Variants in TUG1 observed in about 807,000 individuals in gnomAD.
The protein encoded by TUG1 is taurine upregulated gene 1.
chr22:30,975,687 C>G (rs1384944880), exon 3 of TUG1: 2 of 152,210 alleles, frequency 1.3e-5, no homozygotes, highest in Admixed American at 6.5e-5. Flanking sequence ...GCACCCTACA[C>G]TGACAGACTC....
exon 1 of TUG1, chr22:30,971,274 C>T (rs1316444696): frequency 6.6e-6 from 1 of 152,148 alleles, no homozygotes; most frequent in Non-Finnish European, 1.5e-5. Flanking sequence ...AATCTCACTT[C>T]CAGAGAAATG....
chr22:30,970,719 T>C (rs2041220433), exon 1 of TUG1: 1 of 152,212 alleles, frequency 6.6e-6, no homozygotes, highest in South Asian at 2.1e-4. Context: ...TAGGCTTCTT[T>C]TTACATGGTG....
At chr22:30,969,277 C>T (rs1053815614) in exon 1 of TUG1, 3 of 152,464 alleles carry the variant, frequency 2.0e-5, no homozygotes, top group African/African-American at 7.2e-5. Context: ...GCGACGCAGC[C>T]GGGACGGTAG....
At chr22:30,974,071 T>A (rs1463040459) in intron 2 of TUG1, 2 of 152,220 alleles carry the variant, frequency 1.3e-5, no homozygotes, top group African/African-American at 2.4e-5. Context: ...TTAGATTTTT[T>A]AAGACTTACT....
exon 1 of TUG1, chr22:30,969,975 A>G (rs766040613): frequency 1.3e-5 from 2 of 152,212 alleles, no homozygotes; most frequent in African/African-American, 4.8e-5. Context: ...TCCTCTGCCT[A>G]TCAATGTGTG....
chr22:30,975,756 C>T (rs1358968579), exon 3 of TUG1: 1 of 152,182 alleles, frequency 6.6e-6, no homozygotes, highest in African/African-American at 2.4e-5. Context: ...GAAGTCTTGA[C>T]CCTCCATGAA....
chr22:30,975,468 C>T (rs377366947), exon 3 of TUG1: 2 of 152,260 alleles, frequency 1.3e-5, no homozygotes. Context: ...TGTACCTCCA[C>T]TCAGCACAGT....
chr22:30,974,359 AAAAG>A (rs1274512787), intron 2 of TUG1: 1 of 151,792 alleles, frequency 6.6e-6, no homozygotes, highest in African/African-American at 2.4e-5. Context: ...AAAAAAAAAA[AAAAG>A]ACTTCTAGTA....
At chr22:30,976,798 ATAGT>A (rs1201227601) in exon 3 of TUG1, 3 of 152,186 alleles carry the variant, frequency 2.0e-5, no homozygotes, top group Non-Finnish European at 2.9e-5. Flanking sequence ...AACATTGGAA[ATAGT>A]TTGTTTATAT....
At chr22:30,974,347 G>GAAAAAAA (rs3986065) in intron 2 of TUG1, 2 of 132,572 alleles carry the variant, frequency 1.5e-5, no homozygotes, top group African/African-American at 5.5e-5. Flanking sequence ...TCAGAAGTCT[G>GAAAAAAA]AAAAAAAAAA....
exon 3 of TUG1, chr22:30,975,819 A>G (rs924890107): frequency 6.6e-6 from 1 of 152,214 alleles, no homozygotes; most frequent in Admixed American, 6.5e-5. Context: ...TTGAGGCCAT[A>G]TTAGAGCAAC....
exon 3 of TUG1, chr22:30,979,019 A>G (rs1318590048): frequency 6.6e-6 from 1 of 151,860 alleles, no homozygotes; most frequent in African/African-American, 2.4e-5. Flanking sequence ...TTAAGATCCC[A>G]CAGAAGCGTA....
At chr22:30,979,176 A>C (rs1346896537) in exon 3 of TUG1, 2 of 152,232 alleles carry the variant, frequency 1.3e-5, no homozygotes, top group Non-Finnish European at 2.9e-5. Context: ...GCCATGATAC[A>C]TTAGGTGAAA....
At chr22:30,977,965 A>T (rs1038646799) in exon 3 of TUG1, 1 of 152,098 alleles carries the variant, frequency 6.6e-6, no homozygotes, top group Admixed American at 6.5e-5. Flanking sequence ...AACCTCATCT[A>T]TCGGGTCTGG....
At chr22:30,974,380 TC>T (rs2041265731) in intron 2 of TUG1, 1 of 151,354 alleles carries the variant, frequency 6.6e-6, no homozygotes, top group Admixed American at 6.6e-5. Context: ...AGTAAAGAGT[TC>T]CATTTTGCTG....
exon 1 of TUG1, chr22:30,971,237 C>T: frequency 6.6e-6 from 1 of 152,142 alleles, no homozygotes; most frequent in East Asian, 1.9e-4. Context: ...ATTGACTATT[C>T]CCTTTTCCTA....
chr22:30,972,549 C>T (rs2041242708), intron 1 of TUG1: 1 of 152,172 alleles, frequency 6.6e-6, no homozygotes, highest in Admixed American at 6.5e-5. Context: ...ACTTCCTCTC[C>T]TCACCAAAAA....
intron 1 of TUG1, 116 bp from the exon 2 acceptor site, chr22:30,972,739 A>C (rs954930209): frequency 6.5e-6 from 1 of 152,964 alleles, no homozygotes; most frequent in Admixed American, 6.5e-5. Flanking sequence ...AGCCAGGCTC[A>C]TCAAGAATTA....
intron 1 of TUG1, chr22:30,972,235 T>C (rs896615722): frequency 5.3e-5 from 8 of 152,268 alleles, no homozygotes; most frequent in African/African-American, 1.9e-4. Flanking sequence ...GAAAAGTCGC[T>C]AGATATGGAT....
Sources: allele counts gnomAD v4.1 joint callset, GRCh38; gene constraint gnomAD v4.1.1; transcripts MANE v1.5; gene names NCBI Gene and HGNC (gene_info 2026-07-23, HGNC 2026-07-21).